Variants in DHX16 observed in about 807,000 individuals in gnomAD.
The protein encoded by DHX16 is DEAH-box helicase 16, also known as pre-mRNA-splicing factor ATP-dependent RNA helicase DHX16.
In DHX16, 81 loss-of-function variants were observed where a neutral mutation model predicts 131.2. That is an observed-to-expected ratio of 0.62 (90% CI 0.52 to 0.74). DHX16 has a LOEUF of 0.74. DHX16 is among the 30% of genes least tolerant of loss of function. The probability of loss-of-function intolerance (pLI) is 0.00; values close to 1 mark genes in which losing one functional copy is unlikely to be tolerated. For synonymous variants in DHX16, 440 were observed against 520.2 expected, an observed-to-expected ratio of 0.85 and a Z score of 2.10; for missense variants, 980 against 1,363.1, an observed-to-expected ratio of 0.72 and a Z score of 4.43.
At position 30,656,242 on chromosome 6, in the gene DHX16, C is replaced by A; in HGVS notation, c.2454G>T (p.Leu818=). 6.2e-7 allele frequency: 1 copy of A among 1,613,604 alleles called. No homozygotes were observed. The highest frequency in any genetic ancestry group is 8.5e-7 in the Non-Finnish European group (1 of 1,179,994). Residue 818 remains leucine, a synonymous_variant, in exon 16 of 20, where the codon CTG becomes CTT. Coordinates refer to ENST00000376442, the MANE Select transcript of DHX16 (RefSeq NM_003587.5). The surrounding 1 kb of genome is among the most constrained non-coding windows in gnomAD (Gnocchi z 5.1). ...LTTSGRKMAE[L]PVDPMLSKMI... is the part of the protein sequence containing the mutation. The stretch of plus-strand genomic sequence containing the variant: ...TTTTGGACAGCATGGGGTCCACCGG[C>A]AGCTCTGCCATCTTTCGACCAGACT...
In DHX16 at chr6:30,654,709, T is replaced by A. The variant is rs1434844681; in HGVS notation, c.2994A>T (p.Arg998Ser). The change falls in exon 19 of 20, where the codon AGA becomes AGT. Residue 998 changes from arginine (R) to serine (S), a missense_variant. By Grantham distance (110) the Arg-to-Ser change is moderately radical (BLOSUM62 -1). Around this residue, in one of 3 missense-constraint regions of DHX16, gnomAD observed 214 missense variants for 271.2 expected, o/e 0.79. Transcript: ENST00000376442. ...ELVLTTKEFM[R>S]QVLEIESSWL... is the part of the protein sequence containing the mutation. ...GGGCACAGGATGTTCTCCTCACCTG[T>A]CTCATGAACTCTTTGGTGGTCAAGA... 1 of 1,611,598 alleles carries A rather than the reference T, an allele frequency of 6.2e-7. No individual in the cohort carries two copies. Among genetic ancestry groups the A allele is most frequent in the Non-Finnish European group, 8.5e-7 (1 of 1,179,172 alleles).
chr6:30,655,054 C>T (rs1446587133), intron 18 of DHX16, 121 bp downstream of exon 18: 22 of 1,452,076 alleles, frequency 1.5e-5, no homozygotes, highest in East Asian at 2.3e-5. Context: ...TGGGAGGACA[C>T]GTCATACACA....
chr6:30,661,088 G>A (rs968277534), intron 9 of DHX16, among the ~76,000 whole-genome samples: 6 of 150,410 alleles, frequency 4.0e-5, no homozygotes, highest in East Asian at 4.0e-4. Context: ...TAGTAGAGAC[G>A]GAGTTTTGAA....
chr6:30,662,499 G>A lies in DHX16; in HGVS notation c.1544+128C>T. 1 of 719,334 alleles carries A rather than the reference G, an allele frequency of 1.4e-6. No homozygotes were observed. The highest frequency in any genetic ancestry group is 1.8e-5 in the African/African-American group (1 of 57,104). The allele number at this position is 719,334 out of a possible 1,614,324, so 44.6% of individuals were successfully genotyped here. A position where few individuals can be genotyped will look rare whatever the true frequency, so the allele number is the denominator to read the frequency against. Reference sequence around the variant, plus strand: ...TTCTGTCCTCCAGCCCCATCTCCGTGGTACCTGGAGGTCAGTTCAAGGACC... The same window carrying A: ...TTCTGTCCTCCAGCCCCATCTCCGTAGTACCTGGAGGTCAGTTCAAGGACC... On this transcript the variant is annotated intron_variant, in intron 9 of 19. Transcript: ENST00000376442. The surrounding 1 kb of genome is among the most constrained non-coding windows in gnomAD (Gnocchi z 4.7).
chr6:30,665,721 G>T lies in DHX16; in HGVS notation c.679C>A (p.Arg227=). 1 of 1,609,566 alleles carries T rather than the reference G, an allele frequency of 6.2e-7. No individual in the cohort carries two copies. The change falls in exon 5 of 20, where the codon CGG becomes AGG. Residue 227 remains arginine, a synonymous_variant. Transcript: ENST00000376442. This position sits in a 1 kb window ranked among gnomAD's most constrained non-coding sequence, Gnocchi z 4.8. ...EDRKAMVPEL[R]KKSRREYLAK... is the part of the protein sequence containing the mutation. ...AGGTACTCTCGGCGAGATTTCTTCC[G>T]CAGCTCAGGGACCTGAGTTGGGAAA...
chr6:30,670,792 T>C lies in DHX16; in HGVS notation c.607A>G (p.Lys203Glu). 6.2e-7 allele frequency: 1 copy of C among 1,612,934 alleles called. No individual in the cohort carries two copies. ...CAGAACATGCTGCTCCTATTCACCTTCTTGTCTGACCGTTCCAGGACATTT... is the reference window on the plus strand; with the variant it reads ...CAGAACATGCTGCTCCTATTCACCTCCTTGTCTGACCGTTCCAGGACATTT... Reference protein sequence around the residue: ...TRNVLERSDKKAYEEAQKRLK... With the variant: ...TRNVLERSDKEAYEEAQKRLK... Residue 203 changes from lysine (K) to glutamate (E), a missense_variant and splice_region_variant, in exon 3 of 20, where the codon AAG becomes GAG. This residue lies in a region of DHX16 where 457 missense variants were observed against 554.8 expected (regional missense o/e 0.82). Transcript: ENST00000376442. The surrounding 1 kb of genome is among the most constrained non-coding windows in gnomAD (Gnocchi z 4.4).
At position 30,670,577 on chromosome 6, in the gene DHX16, T is replaced by C; in HGVS notation, c.610-111A>G. The C allele has an allele frequency of 7.7e-7, 1 of 1,303,930 alleles. No individual in the cohort carries two copies. Among genetic ancestry groups the C allele is most frequent in the South Asian group, 1.3e-5 (1 of 77,108 alleles). 80.8% of individuals were successfully genotyped at this position (1,303,930 alleles called of 1,614,324 possible). On this transcript the variant is annotated intron_variant, in intron 3 of 19. Coordinates refer to ENST00000376442, the MANE Select transcript of DHX16 (RefSeq NM_003587.5). This position sits in a 1 kb window ranked among gnomAD's most constrained non-coding sequence, Gnocchi z 4.4. ...TTCAGATGCGCCCTAACACAAAAAA[T>C]GTCCCCTCTCAGTGAGGAATCTCTC... is the stretch of plus-strand genomic sequence containing the variant.
Position 30,655,306 on chromosome 6 carries a change from A to ACCACTGGGAAGAGTAACCACTCTCAGC in DHX16, c.2665_2691dup (p.Ala889_Trp897dup). 6.2e-7 allele frequency: 1 copy of ACCACTGGGAAGAGTAACCACTCTCAGC among 1,614,072 alleles called. No homozygotes were observed. The highest frequency in any genetic ancestry group is 2.2e-5 in the East Asian group (1 of 44,886). On this transcript the variant is annotated inframe_insertion, in exon 18 of 20. Transcript: ENST00000376442. ...CTGAACTGTACAAAGTTCTCATAGC[A>ACCACTGGGAAGAGTAACCACTCTCAGC]CCACTGGGAAGAGTAACCACTCTCA... is the stretch of plus-strand genomic sequence containing the variant.
intron 4 of DHX16, among the ~76,000 whole-genome samples, chr6:30,667,911 C>T (rs1769193441): frequency 6.6e-6 from 1 of 152,156 alleles, no homozygotes; most frequent in Admixed American, 6.6e-5. Flanking sequence ...GAATGTAGGA[C>T]ACTGCAAGGT....
chr6:30,655,139 T>A, intron 18 of DHX16, 36 bp downstream of exon 18: 2 of 1,613,358 alleles, frequency 1.2e-6, no homozygotes, highest in South Asian at 2.2e-5. Context: ...GGGAAGGTAC[T>A]GGGGGTGGAA....
Position 30,665,093 on chromosome 6 carries a change from GC to G in DHX16, c.1102del (p.Ala368ProfsTer79). The G allele has an allele frequency of 1.2e-6, 2 of 1,613,992 alleles. No individual in the cohort carries two copies. Among genetic ancestry groups the G allele is most frequent in the Non-Finnish European group, 1.7e-6 (2 of 1,179,994 alleles). On this transcript the variant is annotated frameshift_variant, in exon 6 of 20. Coordinates refer to ENST00000376442, the MANE Select transcript of DHX16 (RefSeq NM_003587.5). LOFTEE classifies it high-confidence loss of function. The surrounding 1 kb of genome is among the most constrained non-coding windows in gnomAD (Gnocchi z 4.8). ...EEEETIEFVR[A>X]TQLQGDEEPS... is the part of the protein sequence containing the mutation. ...TACCTCATCACCCTGGAGCTGAGTG[GC>G]CCGGACAAACTCAATGGTCTCCTCC...
chr6:30,665,015 G>A lies in DHX16; in HGVS notation c.1126-23C>T. The A allele has an allele frequency of 3.7e-6, 6 of 1,613,814 alleles. No homozygotes were observed. ...CTCCTAAGGAAAGAGAAGGAGGTGT[G>A]AGCTAAATAGCTCGCTACGGGTCTT... is the stretch of plus-strand genomic sequence containing the variant. On this transcript the variant is annotated intron_variant, in intron 6 of 19. Transcript: ENST00000376442. The surrounding 1 kb of genome is among the most constrained non-coding windows in gnomAD (Gnocchi z 4.8).
chr6:30,654,698 C>T lies in DHX16; in HGVS notation c.2997+8G>A. 2 of 1,608,878 alleles carry T rather than the reference C, an allele frequency of 1.2e-6. No homozygotes were observed. Among genetic ancestry groups the T allele is most frequent in the Non-Finnish European group, 8.5e-7 (1 of 1,177,670 alleles). On this transcript the variant is annotated splice_region_variant and intron_variant, in intron 19 of 19. Transcript: ENST00000376442. The stretch of plus-strand genomic sequence containing the variant: ...TCCACCTGCGTGGGCACAGGATGTT[C>T]TCCTCACCTGTCTCATGAACTCTTT...
At chr6:30,657,456 C>T (rs907057956) in intron 12 of DHX16, among the ~76,000 whole-genome samples, 1 of 151,954 alleles carries the variant, frequency 6.6e-6, no homozygotes, top group African/African-American at 2.4e-5. Context: ...GCTTCTGCTC[C>T]TAGCCTCTGT....
rs757877571 is a variant in DHX16, at chr6:30,656,593, T to G, written c.2311+4A>C. The stretch of plus-strand genomic sequence containing the variant: ...CTCCCTCCTCTCTCAGGTAGCCCAA[T>G]CACCTAAGCTCTTGAGCAGCAACAC... On this transcript the variant is annotated splice_donor_region_variant and intron_variant, in intron 14 of 19. Coordinates refer to ENST00000376442, the MANE Select transcript of DHX16 (RefSeq NM_003587.5). The surrounding 1 kb of genome is among the most constrained non-coding windows in gnomAD (Gnocchi z 5.1). 6.2e-7 allele frequency: 1 copy of G among 1,614,122 alleles called. No homozygotes were observed.
Position 30,656,918 on chromosome 6 carries a change from C to T in DHX16, c.2148+34G>A. On this transcript the variant is annotated intron_variant, in intron 13 of 19. Transcript: ENST00000376442. This position sits in a 1 kb window ranked among gnomAD's most constrained non-coding sequence, Gnocchi z 5.1. ...TTGGACCTTCTCTGTGGGCCAACTC[C>T]ACCTCCCCCACTCCCATGCATCCCC... 1 of 1,600,612 alleles carries T rather than the reference C, an allele frequency of 6.2e-7. No homozygotes were observed. Among genetic ancestry groups the T allele is most frequent in the Non-Finnish European group, 8.5e-7 (1 of 1,172,584 alleles).
At chr6:30,660,734 T>C (rs1050423813) in intron 9 of DHX16, among the ~76,000 whole-genome samples, 3 of 151,600 alleles carry the variant, frequency 2.0e-5, no homozygotes, top group Non-Finnish European at 2.9e-5. Context: ...CAAAAAAAAT[T>C]AGCCAGATGT....
intron 10 of DHX16, 62 bp downstream of exon 10, chr6:30,659,970 C>G (rs1469975443): frequency 1.3e-6 from 2 of 1,580,138 alleles, no homozygotes; most frequent in Non-Finnish European, 1.7e-6. Flanking sequence ...CACAGGATAA[C>G]CTTCTCCAAA....
At chr6:30,672,552 T>A in intron 1 of DHX16, 83 bp downstream of exon 1, 1 of 1,270,684 alleles carries the variant, frequency 7.9e-7, no homozygotes, top group South Asian at 1.3e-5. Context: ...GCTTGTGAAC[T>A]GAGCTTTCTT....
Sources: gnomAD v4.1 joint callset for allele counts (sites outside exome capture counted in the v4.1 genomes callset) on GRCh38, gnomAD v4.1.1 for gene constraint, gnomAD v4.1.1 regional missense constraint, Gnocchi (gnomAD v3.1) non-coding constraint, MANE v1.5 for transcripts, NCBI Gene and HGNC (gene_info 2026-07-23, HGNC 2026-07-21) for gene names.